PLEKHG1: variants seen among roughly 807,000 people sequenced by gnomAD.
PLEKHG1 encodes the protein pleckstrin homology domain-containing family G member 1.
PLEKHG1 carries 44 observed loss-of-function variants against 100.8 expected under a neutral mutation model. The ratio of observed to expected loss-of-function variants is 0.44; its 90% CI spans 0.34 to 0.56. The LOEUF is 0.56. Among genes scored for constraint, PLEKHG1 ranks in the 20% least tolerant of loss-of-function variants. The pLI is 0.01. For synonymous variants in PLEKHG1, 640 were observed against 662.5 expected (o/e 0.97, Z 0.52); for missense variants, 1,545 against 1,720.9 (o/e 0.90, Z 1.81).
At chr6:150,627,994 A>G (rs1777573827) in intron 1 of PLEKHG1, among the ~76,000 whole-genome samples, 1 of 152,224 alleles carries the variant, frequency 6.6e-6, no homozygotes, top group Admixed American at 6.5e-5. Context: ...ATGGGCCTAC[A>G]TTAATATTTA....
chr6:150,763,211 G>A (rs1462515284), intron 2 of PLEKHG1, among the ~76,000 whole-genome samples: 2 of 151,782 alleles, frequency 1.3e-5, no homozygotes, highest in South Asian at 2.1e-4. Flanking sequence ...TGTATTTTTA[G>A]TAGAGATGGA....
chr6:150,719,463 T>C (rs1781573276), upstream of PLEKHG1, among the ~76,000 whole-genome samples: 1 of 152,200 alleles, frequency 6.6e-6, no homozygotes, highest in South Asian at 2.1e-4. Flanking sequence ...ATATCAAATC[T>C]ATGGTATAGG....
Position 150,783,487 on chromosome 6 carries a change from A to C in PLEKHG1, c.513-2903A>C, listed in dbSNP as rs1182735886. Among the ~76,000 whole-genome samples the C allele has an allele frequency of 2.0e-5, 3 of 151,734 alleles. 1 individual carries two copies. Among genetic ancestry groups the C allele is most frequent in the African/African-American group, 7.3e-5 (3 of 41,266 alleles). On this transcript the variant is annotated intron_variant, in intron 3 of 15. Coordinates refer to ENST00000358517, the Ensembl canonical transcript of PLEKHG1. ...CAGGCTCAAGTGATTCTCCTGCCTC[A>C]GCCTCCTGAGTAGCTGGGACTGCAG...
At position 150,771,823 on chromosome 6, in the gene PLEKHG1, T is replaced by C. The variant is rs576302792; in HGVS notation, c.512+3085T>C. ...TTAAAGAGGGCATAAAGAAATGGTATTATGCTGGCCTGAAAAATTCAACTG... is the reference window on the plus strand; with the variant it reads ...TTAAAGAGGGCATAAAGAAATGGTACTATGCTGGCCTGAAAAATTCAACTG... On this transcript the variant is annotated intron_variant, in intron 3 of 15. Coordinates refer to ENST00000358517, the Ensembl canonical transcript of PLEKHG1. Among the ~76,000 whole-genome samples, 18 of 152,270 alleles carry C rather than the reference T, an allele frequency of 1.2e-4. No individual in the cohort carries two copies. The East Asian group carries it at 3.3e-3, about 28-fold the overall frequency.
At chr6:150,708,156 A>G (rs1582980156) in intron 3 of PLEKHG1, among the ~76,000 whole-genome samples, 2 of 151,986 alleles carry the variant, frequency 1.3e-5, no homozygotes, top group East Asian at 1.9e-4. Context: ...TGCCTGGCAT[A>G]TTACATCTCT....
At chr6:150,805,854 G>A (rs1787054988) in intron 7 of PLEKHG1, among the ~76,000 whole-genome samples, 1 of 152,098 alleles carries the variant, frequency 6.6e-6, no homozygotes, top group Non-Finnish European at 1.5e-5. Context: ...ATAAGACAGA[G>A]AAGTTTGCTA....
intron 1 of PLEKHG1, among the ~76,000 whole-genome samples, chr6:150,611,178 A>G (rs184566605): frequency 1.3e-5 from 2 of 152,294 alleles, no homozygotes; most frequent in Admixed American, 6.5e-5. Flanking sequence ...CTTTATGTCT[A>G]CTGTATAGTG....
At chr6:150,720,368 C>G (rs1372450434), upstream of PLEKHG1, among the ~76,000 whole-genome samples, 2 of 152,154 alleles carry the variant, frequency 1.3e-5, no homozygotes, top group African/African-American at 4.8e-5. Flanking sequence ...TGTATGAATA[C>G]TAGATCATTC....
At chr6:150,675,658 T>C (rs547450954) in intron 3 of PLEKHG1, among the ~76,000 whole-genome samples, 1 of 152,352 alleles carries the variant, frequency 6.6e-6, no homozygotes, top group South Asian at 2.1e-4. Flanking sequence ...GGCTAATTTC[T>C]GTATTTTTGG....
intron 1 of PLEKHG1, among the ~76,000 whole-genome samples, chr6:150,623,849 T>C (rs1440842985): frequency 6.6e-6 from 1 of 152,194 alleles, no homozygotes. Flanking sequence ...TGCATGTGTA[T>C]GTATGATGAA....
At chr6:150,619,759 C>T (rs1261386130) in intron 1 of PLEKHG1, among the ~76,000 whole-genome samples, 1 of 152,120 alleles carries the variant, frequency 6.6e-6, no homozygotes, top group African/African-American at 2.4e-5. Flanking sequence ...GTTCTTTTTT[C>T]TTTCACCCTT....
At chr6:150,714,986 T>G (rs190903692) in intron 3 of PLEKHG1, among the ~76,000 whole-genome samples, 9 of 151,696 alleles carry the variant, frequency 5.9e-5, no homozygotes, top group Non-Finnish European at 1.2e-4. Context: ...ATTTTTTGTG[T>G]TTTTAGTAGA....
rs1473478332 is a variant in PLEKHG1, at chr6:150,644,334, G to T, written c.-158+6209G>T. Among the ~76,000 whole-genome samples the T allele has an allele frequency of 2.3e-3, 270 of 117,482 alleles. 2 individuals carry two copies. The highest frequency in any genetic ancestry group is 7.9e-3 in the African/African-American group (225 of 28,542). The allele number at this position is 117,482 out of a possible 152,430, so 77.1% of individuals were successfully genotyped here. On this transcript the variant is annotated intron_variant, in intron 2 of 3. Coordinates refer to the PLEKHG1 transcript ENST00000367326. ...AAGAGAGTGGTTTTTTTCTTTTCGT[G>T]TTTTTTTTTTTTTTTTTTGTTACAG...
At chr6:150,816,118 G>A (rs782665) in intron 10 of PLEKHG1, among the ~76,000 whole-genome samples, 1 of 151,910 alleles carries the variant, frequency 6.6e-6, no homozygotes, top group East Asian at 1.9e-4. Context: ...CCATCTGGGG[G>A]TGATGGGAGA....
chr6:150,771,452 C>T (rs770500288), intron 3 of PLEKHG1, among the ~76,000 whole-genome samples: 29 of 152,108 alleles, frequency 1.9e-4, no homozygotes, highest in Non-Finnish European at 2.8e-4. Context: ...AACGAACGAA[C>T]GAGTTGGCAA....
chr6:150,739,671 A>G (rs117580848), intron 2 of PLEKHG1, among the ~76,000 whole-genome samples: 4,668 of 152,176 alleles, frequency 0.031, 92 homozygotes, highest in African/African-American at 0.055. Context: ...CTGTCAAAAA[A>G]AAAAACAAAA....
In PLEKHG1 at chr6:150,804,755, G is replaced by A; in HGVS notation, c.912+14G>A. 6.2e-7 allele frequency: 1 copy of A among 1,610,346 alleles called. No individual in the cohort carries two copies. Among genetic ancestry groups the A allele is most frequent in the Non-Finnish European group, 8.5e-7 (1 of 1,178,852 alleles). ...GTCCGGTTACAGGTGAGCCCGCGAG[G>A]TGTCGGTGCCCGGCAGGGTTGCAGG... On this transcript the variant is annotated intron_variant, in intron 7 of 15. Transcript: ENST00000358517.
intron 1 of PLEKHG1, among the ~76,000 whole-genome samples, chr6:150,724,462 G>A (rs1781854520): frequency 6.6e-6 from 1 of 151,738 alleles, no homozygotes; most frequent in South Asian, 2.1e-4. Context: ...CCCACACTAA[G>A]TCACCACACA....
rs529625590 is a variant in PLEKHG1 at position 150,708,772 on chromosome 6, A to G, written c.-98-24812A>G. ...TCAGCTGCTGTGCTACTGCTATGTCAGGGATATCTTATGGCAGGTGCTTAT... is the reference window on the plus strand; with the variant it reads ...TCAGCTGCTGTGCTACTGCTATGTCGGGGATATCTTATGGCAGGTGCTTAT... On this transcript the variant is annotated intron_variant, in intron 3 of 3. Transcript: ENST00000367326. Among the ~76,000 whole-genome samples, 3 of 152,346 alleles carry G rather than the reference A, an allele frequency of 2.0e-5. No homozygotes were observed. The South Asian group carries it at 6.2e-4, about 32-fold the overall frequency.
Sources: allele counts gnomAD v4.1 joint callset (sites outside exome capture counted in the v4.1 genomes callset), GRCh38; gene constraint gnomAD v4.1.1; transcripts MANE v1.5; gene names NCBI Gene and HGNC (gene_info 2026-07-23, HGNC 2026-07-21).